Variants in NCOR2 observed in about 807,000 individuals in gnomAD.
NCOR2 encodes the protein CTG repeat protein 26.
A neutral mutation model predicts 262.9 loss-of-function variants in NCOR2; 81 were observed. The ratio of observed to expected loss-of-function variants is 0.31; its 90% CI spans 0.26 to 0.37. The LOEUF (loss-of-function observed/expected upper bound fraction) is 0.37, where lower values mean the gene tolerates loss of function less well. Ranked by LOEUF, NCOR2 falls within the 10% of genes least tolerant of loss-of-function variation. The pLI is 1.00. For synonymous variants in NCOR2, 1,659 were observed against 1,559.3 expected (o/e 1.06, Z -1.51); for missense variants, 3,385 against 3,621.4 (o/e 0.93, Z 1.68).
chr12:124,486,637 GT>G lies in NCOR2; in HGVS notation c.106-70del. On this transcript the variant is annotated intron_variant, in intron 1 of 46. Coordinates refer to ENST00000405201, the Ensembl canonical transcript of NCOR2. ...GCATGGCGGGGCACGGCAGGGCACA[GT>G]GGGCAAGGCCGTGGACTCCCTGCTC... 3 of 1,504,110 alleles carry G rather than the reference GT, an allele frequency of 2.0e-6. No homozygotes were observed. In the East Asian group the frequency reaches 7.5e-5, roughly 37 times the overall value. 93.2% of individuals were successfully genotyped at this position (1,504,110 alleles called of 1,614,324 possible).
intron 16 of NCOR2, among the ~76,000 whole-genome samples, chr12:124,388,486 T>C (rs1056277187): frequency 2.0e-5 from 3 of 152,080 alleles, no homozygotes; most frequent in Non-Finnish European, 4.4e-5. Context: ...GTCCCACCCC[T>C]GCTTCCAGGA....
In NCOR2 at chr12:124,457,241, A is replaced by C. The variant is rs910067976; in HGVS notation, c.706-79T>G. 2.1e-6 allele frequency: 3 copies of C among 1,423,882 alleles called. No homozygotes were observed. The highest frequency in any genetic ancestry group is 2.8e-6 in the Non-Finnish European group (3 of 1,074,796). The allele number at this position is 1,423,882 out of a possible 1,614,324, so 88.2% of individuals were successfully genotyped here. On this transcript the variant is annotated intron_variant, in intron 5 of 46. Coordinates refer to ENST00000405201, the Ensembl canonical transcript of NCOR2. This position sits in a 1 kb window ranked among gnomAD's most constrained non-coding sequence, Gnocchi z 4.0. ...ATTATAAATAGAGGCTTCCCGGAGCAGCGGGCACCTGCCCAGCCCAGTCCA... is the reference window on the plus strand; with the variant it reads ...ATTATAAATAGAGGCTTCCCGGAGCCGCGGGCACCTGCCCAGCCCAGTCCA...
At chr12:124,532,903 C>T (rs2463162) in intron 1 of NCOR2, among the ~76,000 whole-genome samples, 7 of 51,394 alleles carry the variant, frequency 1.4e-4, no homozygotes, top group East Asian at 8.6e-4. Flanking sequence ...TCCTCTTTCC[C>T]CCCTCCCTCC....
rs5801559 is a variant in NCOR2, at chr12:124,523,636, TA to T, written c.-118+11928del. On this transcript the variant is annotated intron_variant, in intron 1 of 46. Transcript: ENST00000404621. The surrounding 1 kb of genome is among the most constrained non-coding windows in gnomAD (Gnocchi z 4.0). ...CTAACACTAACCATAGCTGATGAAC[TA>T]AAAAAAAAAAAAACAAAAAACCGAA... Among the ~76,000 whole-genome samples the T allele has an allele frequency of 7.1e-4, 99 of 138,536 alleles. No homozygotes were observed. Among genetic ancestry groups the T allele is most frequent in the Admixed American group, 9.3e-4 (13 of 13,946 alleles). The allele number at this position is 138,536 out of a possible 152,430, so 90.9% of individuals were successfully genotyped here.
chr12:124,445,402 G>T (rs1304294978), intron 7 of NCOR2, among the ~76,000 whole-genome samples: 1 of 152,234 alleles, frequency 6.6e-6, no homozygotes, highest in Non-Finnish European at 1.5e-5. Context: ...CCCGAAGCAG[G>T]TGGCGGTGGG....
chr12:124,356,538 A>G, intron 23 of NCOR2, 104 bp downstream of exon 25: 1 of 1,058,280 alleles, frequency 9.4e-7, no homozygotes, highest in Non-Finnish European at 1.2e-6. Context: ...CAGGTCCCAT[A>G]AGGCTTTAAG....
At position 124,453,731 on chromosome 12, in the gene NCOR2, C is replaced by T. The variant is rs148074683; in HGVS notation, c.762+3375G>A. Among the ~76,000 whole-genome samples, 482 of 152,366 alleles carry T rather than the reference C, an allele frequency of 3.2e-3. 4 individuals are homozygous for T. Among genetic ancestry groups the T allele is most frequent in the African/African-American group, 0.01 (424 of 41,586 alleles). On this transcript the variant is annotated intron_variant, in intron 6 of 46. Coordinates refer to ENST00000405201, the Ensembl canonical transcript of NCOR2. ...CCTTGGAACAGGAAGGAAGCAATGA[C>T]TCAAAGCGGCAGAGAGGTCGGGGCT...
chr12:124,387,680 G>C (rs1325551623), intron 16 of NCOR2, among the ~76,000 whole-genome samples: 1 of 152,242 alleles, frequency 6.6e-6, no homozygotes, highest in Non-Finnish European at 1.5e-5. Context: ...GCCGGGGCGT[G>C]GGATCAAGTG....
Position 124,378,466 on chromosome 12 carries a change from A to G in NCOR2, c.2020-82T>C. On this transcript the variant is annotated intron_variant, in intron 17 of 46. Coordinates refer to ENST00000405201, the Ensembl canonical transcript of NCOR2. This position sits in a 1 kb window ranked among gnomAD's most constrained non-coding sequence, Gnocchi z 4.2. The stretch of plus-strand genomic sequence containing the variant: ...CTCCCCATGCCTGGGGCCTCGCCGC[A>G]GGTGCAAAGGGCAGTGATCCCGGCC... The G allele has an allele frequency of 7.2e-7, 1 of 1,390,648 alleles. No individual in the cohort carries two copies. Among genetic ancestry groups the G allele is most frequent in the Non-Finnish European group, 9.6e-7 (1 of 1,037,560 alleles). 86.1% of individuals were successfully genotyped at this position (1,390,648 alleles called of 1,614,324 possible).
Position 124,549,158 on chromosome 12 carries a change from C to T in NCOR2, c.-164-13547G>A, listed in dbSNP as rs926882313. Among the ~76,000 whole-genome samples, 17 of 152,044 alleles carry T rather than the reference C, an allele frequency of 1.1e-4. No individual in the cohort carries two copies. Among genetic ancestry groups the T allele is most frequent in the African/African-American group, 4.1e-4 (17 of 41,374 alleles). On this transcript the variant is annotated intron_variant, in intron 1 of 32. Transcript: ENST00000458234. The surrounding 1 kb of genome is among the most constrained non-coding windows in gnomAD (Gnocchi z 4.4). Reference sequence around the variant, plus strand: ...CAGGGAGCTAACCTCTCTGAGCCTTCGCTGCTTGCCTGGCAATGATGATGG... The same window carrying T: ...CAGGGAGCTAACCTCTCTGAGCCTTTGCTGCTTGCCTGGCAATGATGATGG...
chr12:124,341,936 G>A (rs2036493261), exon 34 of NCOR2: 1 of 1,613,200 alleles, frequency 6.2e-7, no homozygotes, highest in South Asian at 1.1e-5. Flanking sequence ...CATCTGCTGC[G>A]AGGTGATGTA....
chr12:124,496,761 G>C (rs987785225), upstream of NCOR2, among the ~76,000 whole-genome samples: 8 of 149,432 alleles, frequency 5.4e-5, no homozygotes, highest in African/African-American at 2.0e-4. The surrounding 1 kb of genome is among the most constrained non-coding windows in gnomAD (Gnocchi z 4.4). Context: ...GGATGGTCAT[G>C]TGACCCGGTC....
chr12:124,403,100 C>T (rs1451155350), intron 13 of NCOR2, among the ~76,000 whole-genome samples: 1 of 152,148 alleles, frequency 6.6e-6, no homozygotes, highest in Non-Finnish European at 1.5e-5. Flanking sequence ...GGGACACACC[C>T]CTGATGCCCC....
chr12:124,372,606 A>G, exon 20 of NCOR2: 2 of 1,596,294 alleles, frequency 1.3e-6, no homozygotes, highest in Non-Finnish European at 1.7e-6. Flanking sequence ...TGTTGTTGAC[A>G]GTGGCTGTGC....
Position 124,337,186 on chromosome 12 carries a change from G to T in NCOR2, c.5688-6C>A. The T allele has an allele frequency of 6.5e-7, 1 of 1,545,064 alleles. No homozygotes were observed. Among genetic ancestry groups the T allele is most frequent in the South Asian group, 1.2e-5 (1 of 83,434 alleles). ...GTGAGGAGGTGGAGGTGGACCTGGG[G>T]GAGGAGAGAAGGCGGTCAGGCAGTC... On this transcript the variant is annotated splice_polypyrimidine_tract_variant and splice_region_variant and intron_variant, in intron 37 of 46. Coordinates refer to ENST00000405201, the Ensembl canonical transcript of NCOR2.
At position 124,447,697 on chromosome 12, in the gene NCOR2, TC is replaced by T. The variant is rs199973172; in HGVS notation, c.815+2117del. Among the ~76,000 whole-genome samples the T allele has an allele frequency of 8.9e-4, 132 of 148,284 alleles. No individual in the cohort carries two copies. The Middle Eastern group carries it at 0.01, about 12-fold the overall frequency. On this transcript the variant is annotated intron_variant, in intron 7 of 46. Coordinates refer to ENST00000405201, the Ensembl canonical transcript of NCOR2. The stretch of plus-strand genomic sequence containing the variant: ...GTATTTTCTTTCTTTTTTCTTTCTT[TC>T]TTTTTTTTTTTTAACAGAAACAGGG...
chr12:124,412,672 A>G (rs540068934), intron 13 of NCOR2, among the ~76,000 whole-genome samples: 2 of 152,340 alleles, frequency 1.3e-5, no homozygotes, highest in East Asian at 3.9e-4. Context: ...CGGGCTTAAC[A>G]ACCCCTTCAG....
At chr12:124,516,793 G>GCC (rs59858345) in intron 1 of NCOR2, among the ~76,000 whole-genome samples, 1 of 151,946 alleles carries the variant, frequency 6.6e-6, no homozygotes, top group Non-Finnish European at 1.5e-5. Flanking sequence ...AATCCCAGGG[G>GCC]CCCCCCACCC....
At chr12:124,373,619 A>AATC (rs749084772) in intron 19 of NCOR2, among the ~76,000 whole-genome samples, 6 of 121,832 alleles carry the variant, frequency 4.9e-5, no homozygotes, top group African/African-American at 1.1e-4. Flanking sequence ...CACAGTGGGC[A>AATC]GTGAGGCCAG....
Sources: allele counts gnomAD v4.1 joint callset (sites outside exome capture counted in the v4.1 genomes callset), GRCh38; gene constraint gnomAD v4.1.1; non-coding constraint Gnocchi (gnomAD v3.1); transcripts MANE v1.5; gene names NCBI Gene and HGNC (gene_info 2026-07-23, HGNC 2026-07-21).